The following SMG7 variants were observed in gnomAD, a reference collection of about 807,000 sequenced individuals.
SMG7 encodes SMG7 nonsense mediated mRNA decay factor.
In SMG7, 34 loss-of-function variants were observed where a neutral mutation model predicts 148.2. The observed-to-expected ratio is 0.23, with a 90% CI of 0.17 to 0.31. SMG7 has a LOEUF of 0.31. Among genes scored for constraint, SMG7 ranks in the 10% least tolerant of loss-of-function variants. SMG7 has a pLI of 1.00. For missense variants in SMG7, 1,114 were observed against 1,408.4 expected (o/e 0.79, Z 3.35); for synonymous variants, 492 against 515.1 (o/e 0.96, Z 0.61).
chr1:183,536,362 C>T (rs1036406604), intron 10 of SMG7, among the ~76,000 whole-genome samples: 3 of 152,110 alleles, frequency 2.0e-5, no homozygotes, highest in Admixed American at 1.3e-4. Context: ...ATTTGTCTCA[C>T]TTCAAAAATC....
intron 1 of SMG7, among the ~76,000 whole-genome samples, chr1:183,494,325 ATTTGT>A (rs1278194390): frequency 6.7e-6 from 1 of 149,722 alleles, no homozygotes; most frequent in Non-Finnish European, 1.5e-5. Flanking sequence ...CAGCTTCTAT[ATTTGT>A]TTTAAGTTTC....
intron 8 of SMG7, among the ~76,000 whole-genome samples, chr1:183,530,481 G>A (rs1347715033): frequency 3.3e-5 from 5 of 152,138 alleles, no homozygotes; most frequent in African/African-American, 1.2e-4. Context: ...TACTTAGCCT[G>A]TGACATATGA....
intron 4 of SMG7, among the ~76,000 whole-genome samples, chr1:183,520,805 T>C (rs751723169): frequency 6.6e-6 from 1 of 152,212 alleles, no homozygotes; most frequent in Non-Finnish European, 1.5e-5. Context: ...ATCATTTTTA[T>C]TGAGGGAGTA....
intron 1 of SMG7, among the ~76,000 whole-genome samples, chr1:183,487,034 T>G (rs1655616972): frequency 6.6e-6 from 1 of 152,170 alleles, no homozygotes; most frequent in Non-Finnish European, 1.5e-5. Context: ...ACTTAAGCGG[T>G]GAAAGGGCTG....
chr1:183,538,302 A>G, intron 11 of SMG7, 78 bp from the exon 12 acceptor site: 1 of 924,614 alleles, frequency 1.1e-6, no homozygotes, highest in Non-Finnish European at 1.8e-6. Flanking sequence ...GTTAATTTTT[A>G]AAAAAATTTA....
intron 12 of SMG7, among the ~76,000 whole-genome samples, chr1:183,539,834 C>T (rs760823632): frequency 9.9e-5 from 15 of 152,186 alleles, no homozygotes; most frequent in Non-Finnish European, 1.9e-4. Flanking sequence ...GCTTTTCTCA[C>T]CAGTTTACCT....
chr1:183,507,001 C>T (rs759084732), intron 1 of SMG7, among the ~76,000 whole-genome samples: 1 of 151,244 alleles, frequency 6.6e-6, no homozygotes, highest in Non-Finnish European at 1.5e-5. Flanking sequence ...GCCTCAGCCT[C>T]CAGAGTAGCT....
chr1:183,508,190 A>G, intron 1 of SMG7: 7 of 913,662 alleles, frequency 7.7e-6, no homozygotes, highest in Non-Finnish European at 9.2e-6. Flanking sequence ...GAGGTATAGT[A>G]TTTTTTTCTT....
chr1:183,517,605 A>T (rs776312321), intron 3 of SMG7, 83 bp from the exon 4 acceptor site: 1 of 1,255,016 alleles, frequency 8.0e-7, no homozygotes, highest in Admixed American at 1.7e-5. Flanking sequence ...ATTATAACAG[A>T]CAGTTCTTTC....
At chr1:183,475,145 G>A (rs1229429273) in intron 1 of SMG7, among the ~76,000 whole-genome samples, 2 of 152,194 alleles carry the variant, frequency 1.3e-5, no homozygotes, top group Non-Finnish European at 2.9e-5. Flanking sequence ...TACACTGCAT[G>A]TCAGTATTCA....
intron 1 of SMG7, among the ~76,000 whole-genome samples, chr1:183,510,252 C>T (rs1661832829): frequency 1.3e-5 from 2 of 152,114 alleles, no homozygotes; most frequent in South Asian, 4.1e-4. Context: ...CCCTAGCTTT[C>T]TCACTATAAG....
chr1:183,552,992 G>A lies in SMG7; in HGVS notation c.*1061G>A, dbSNP rs1022433666. 2 of 1,536,300 alleles carry A rather than the reference G, an allele frequency of 1.3e-6. No homozygotes were observed. The highest frequency in any genetic ancestry group is 1.7e-6 in the Non-Finnish European group (2 of 1,146,932). Reference sequence around the variant, plus strand: ...TCTCCCCAAGAAGCAACAGCATGGGGTCCAGCAGTTGGGGCCCAAAAGACA... The same window carrying A: ...TCTCCCCAAGAAGCAACAGCATGGGATCCAGCAGTTGGGGCCCAAAAGACA... On this transcript the variant is annotated 3_prime_UTR_variant, in exon 23 of 23. Transcript: ENST00000688051.
intron 14 of SMG7, among the ~76,000 whole-genome samples, chr1:183,543,136 T>C (rs1447779564): frequency 6.6e-6 from 1 of 152,138 alleles, no homozygotes; most frequent in Non-Finnish European, 1.5e-5. Flanking sequence ...TATTTGTGAC[T>C]TTCTTTTTAT....
intron 13 of SMG7, 85 bp downstream of exon 13, chr1:183,541,188 AT>A: frequency 1.7e-6 from 2 of 1,167,562 alleles, no homozygotes; most frequent in Non-Finnish European, 2.5e-6. Context: ...ACACACACAC[AT>A]CTCATATGTT....
Position 183,530,424 on chromosome 1 carries a change from T to C in SMG7, c.843+891T>C, listed in dbSNP as rs138937658. ...TTGATACTTTCTATGTGCAAGATAT[T>C]AGAATAGATAATTATAAATAGCAAT... On this transcript the variant is annotated intron_variant, in intron 8 of 22. Coordinates refer to ENST00000688051, the MANE Select transcript of SMG7 (RefSeq NM_001375584.1). Among the ~76,000 whole-genome samples, 391 of 152,274 alleles carry C rather than the reference T, an allele frequency of 2.6e-3. 3 individuals carry two copies. The highest frequency in any genetic ancestry group is 8.4e-3 in the African/African-American group (351 of 41,576).
rs554916252 is a variant in SMG7 at position 183,476,013 on chromosome 1, T to A, written c.29+3364T>A. On this transcript the variant is annotated intron_variant, in intron 1 of 22. Coordinates refer to ENST00000688051, the MANE Select transcript of SMG7 (RefSeq NM_001375584.1). ...TCTTAGGCATTTGTCCTAAGTAAATTAAAACAAGTGTTAGAAGTCTGAGAC... is the reference window on the plus strand; with the variant it reads ...TCTTAGGCATTTGTCCTAAGTAAATAAAAACAAGTGTTAGAAGTCTGAGAC... 6.6e-5 allele frequency among the ~76,000 whole-genome samples: 10 copies of A among 152,308 alleles called. No homozygotes were observed. The South Asian group carries it at 2.1e-3, about 32-fold the overall frequency.
chr1:183,493,000 C>T (rs868481992), intron 1 of SMG7, among the ~76,000 whole-genome samples: 6 of 152,112 alleles, frequency 3.9e-5, no homozygotes, highest in Non-Finnish European at 8.8e-5. Flanking sequence ...GACACGATCT[C>T]GCTCTGTTGC....
At chr1:183,509,702 G>A (rs1475561541) in intron 1 of SMG7, among the ~76,000 whole-genome samples, 5 of 152,090 alleles carry the variant, frequency 3.3e-5, no homozygotes, top group Admixed American at 1.3e-4. Context: ...AGAAATGAGC[G>A]CCTCTACCCT....
In SMG7 at chr1:183,545,244, C is replaced by A. The variant is rs1473888952; in HGVS notation, c.2302C>A (p.Gln768Lys). 1.2e-6 allele frequency: 2 copies of A among 1,613,824 alleles called. No homozygotes were observed. The highest frequency in any genetic ancestry group is 1.3e-5 in the African/African-American group (1 of 74,918). Residue 768 changes from glutamine to lysine, a missense_variant, in exon 16 of 23, where the codon CAA (glutamine) becomes AAA (lysine). Gln to Lys is a moderately conservative substitution (Grantham distance 53, BLOSUM62 1). Transcript: ENST00000688051. ...QLQVQALTQQQQSPTKAVPAL... is the reference protein window; with the variant it reads ...QLQVQALTQQKQSPTKAVPAL... Reference sequence around the variant, plus strand: ...GCAGGTTCAAGCTCTAACTCAGCAACAACAATCCCCTACAAAAGCTGTGCC... The same window carrying A: ...GCAGGTTCAAGCTCTAACTCAGCAAAAACAATCCCCTACAAAAGCTGTGCC...
Sources: allele counts gnomAD v4.1 joint callset (sites outside exome capture counted in the v4.1 genomes callset), GRCh38; gene constraint gnomAD v4.1.1; transcripts MANE v1.5; gene names NCBI Gene and HGNC (gene_info 2026-07-23, HGNC 2026-07-21).